Variants in PMM2 observed in about 807,000 individuals in gnomAD.
The protein encoded by PMM2 is mannose-6-phosphate isomerase.
In PMM2, 35 loss-of-function variants were observed where a neutral mutation model predicts 33.2. The observed-to-expected ratio is 1.06, with a 90% confidence interval of 0.81 to 1.40. The LOEUF is 1.40. PMM2 is among the 40% of genes most tolerant of loss of function. The pLI is 0.00. For synonymous variants in PMM2, 153 were observed against 114.7 expected (o/e 1.33, Z -2.13); for missense variants, 386 against 306.0 (o/e 1.26, Z -1.95).
At position 8,802,020 on chromosome 16, in the gene PMM2, T is replaced by C; in HGVS notation, c.178+110T>C. On this transcript the variant is annotated intron_variant, in intron 2 of 7. Coordinates refer to ENST00000268261, the MANE Select transcript of PMM2 (RefSeq NM_000303.3). ...AACCTTGTCCCCATATGGCGGGCTT[T>C]CTGCTTCCTTTTTTGGGAAACATTT... is the stretch of plus-strand genomic sequence containing the variant. 4.0e-6 allele frequency: 3 copies of C among 751,386 alleles called. No individual in the cohort carries two copies. The Admixed American group carries it at 6.1e-5, about 15-fold the overall frequency. 46.5% of individuals were successfully genotyped at this position (751,386 alleles called of 1,614,324 possible).
intron 7 of PMM2, among the ~76,000 whole-genome samples, chr16:8,840,471 G>GT (rs904114104): frequency 1.3e-5 from 2 of 152,018 alleles, no homozygotes; most frequent in Admixed American, 1.3e-4. Flanking sequence ...ACAGAAGATA[G>GT]TAGGGATGAC....
At chr16:8,812,914 A>G (rs1434236081) in intron 6 of PMM2, 77 bp from the exon 7 acceptor site, 6 of 855,048 alleles carry the variant, frequency 7.0e-6, no homozygotes, top group Non-Finnish European at 1.2e-5. Context: ...ACAAAAGAGT[A>G]AATTGTTTTT....
chr16:8,810,819 A>T, intron 4 of PMM2: 1 of 515,050 alleles, frequency 1.9e-6, no homozygotes, highest in South Asian at 2.1e-5. Context: ...ACACAAAGTC[A>T]ATATACAACA....
chr16:8,833,475 C>A (rs1199240562), intron 7 of PMM2, among the ~76,000 whole-genome samples: 1 of 152,004 alleles, frequency 6.6e-6, no homozygotes, highest in Admixed American at 6.5e-5. Context: ...GACATTCCTG[C>A]CTTCTTATAT....
intron 7 of PMM2, among the ~76,000 whole-genome samples, chr16:8,837,233 G>C (rs2060855486): frequency 6.6e-6 from 1 of 152,016 alleles, no homozygotes; most frequent in African/African-American, 2.4e-5. Flanking sequence ...TGGACATCAG[G>C]CACCTCAGAC....
chr16:8,836,881 C>T (rs1400203069), intron 7 of PMM2, among the ~76,000 whole-genome samples: 2 of 152,102 alleles, frequency 1.3e-5, no homozygotes, highest in African/African-American at 2.4e-5. Flanking sequence ...GGAGCATTAA[C>T]TTTGACTATG....
Position 8,810,979 on chromosome 16 carries a change from C to G in PMM2, c.348-100C>G, listed in dbSNP as rs545486702. ...GCTGAGAAACATTGACCACACTAGC[C>G]TCTGCTTTTTAGAATTTCCCAAGAT... On this transcript the variant is annotated intron_variant, in intron 4 of 7. Transcript: ENST00000268261. 9.4e-6 allele frequency: 7 copies of G among 747,852 alleles called. No homozygotes were observed. In the East Asian group the frequency reaches 1.9e-4, roughly 20 times the overall value. 46.3% of individuals were successfully genotyped at this position (747,852 alleles called of 1,614,324 possible).
chr16:8,815,222 T>C (rs546051345), intron 7 of PMM2, among the ~76,000 whole-genome samples: 5 of 151,120 alleles, frequency 3.3e-5, no homozygotes, highest in African/African-American at 4.8e-5. Flanking sequence ...TTCTTTCTTT[T>C]TTTTTTTTTT....
rs567875417 is a variant in PMM2 at position 8,847,009 on chromosome 16, G to A, written c.640-715G>A. Among the ~76,000 whole-genome samples the A allele has an allele frequency of 5.3e-5, 8 of 152,146 alleles. No individual in the cohort carries two copies. The East Asian group carries it at 9.7e-4, about 18-fold the overall frequency. On this transcript the variant is annotated intron_variant, in intron 7 of 7. Transcript: ENST00000268261. The stretch of plus-strand genomic sequence containing the variant: ...CTCCCGAGCAGCTGGGATTTCAGAC[G>A]TGCGCCACCATGCCCAGCTAATTTT...
intron 4 of PMM2, chr16:8,808,718 G>C (rs2060660236): frequency 6.6e-6 from 1 of 152,196 alleles, no homozygotes; most frequent in African/African-American, 2.4e-5. Flanking sequence ...CTTGAGTGGG[G>C]GGGCATTAAT....
At chr16:8,805,829 A>G (rs1245978858) in intron 3 of PMM2, among the ~76,000 whole-genome samples, 1 of 152,134 alleles carries the variant, frequency 6.6e-6, no homozygotes, top group African/African-American at 2.4e-5. Flanking sequence ...ACTTGAAGTC[A>G]TCCACCTGCC....
intron 2 of PMM2, 39 bp from the exon 3 acceptor site, chr16:8,804,728 T>A: frequency 7.1e-7 from 1 of 1,409,610 alleles, no homozygotes; most frequent in Admixed American, 1.7e-5. Flanking sequence ...CAGGTTTTGA[T>A]TCTTTGCATT....
At chr16:8,833,594 A>G (rs1013610782) in intron 7 of PMM2, among the ~76,000 whole-genome samples, 10 of 151,556 alleles carry the variant, frequency 6.6e-5, no homozygotes, top group Admixed American at 2.6e-4. Flanking sequence ...AAGCGGGATT[A>G]GGGGCGGCGT....
At chr16:8,839,661 G>A (rs1264800202) in intron 7 of PMM2, among the ~76,000 whole-genome samples, 1 of 151,962 alleles carries the variant, frequency 6.6e-6, no homozygotes, top group African/African-American at 2.4e-5. Context: ...AAGTTTGTCA[G>A]TATTGATAGC....
At chr16:8,800,730 C>G (rs541349261) in intron 1 of PMM2, among the ~76,000 whole-genome samples, 1 of 150,088 alleles carries the variant, frequency 6.7e-6, no homozygotes, top group Admixed American at 6.7e-5. Flanking sequence ...GTGACCCAGG[C>G]TGGAGTGCAG....
Position 8,811,760 on chromosome 16 carries a change from A to G in PMM2, c.523+47A>G, listed in dbSNP as rs1347333754. 3 of 1,328,784 alleles carry G rather than the reference A, an allele frequency of 2.3e-6. No individual in the cohort carries two copies. In the African/African-American group the frequency reaches 4.3e-5, roughly 19 times the overall value. 82.3% of individuals were successfully genotyped at this position (1,328,784 alleles called of 1,614,324 possible). The stretch of plus-strand genomic sequence containing the variant: ...TTCCAAACTTGGATACCCATTTCCC[A>G]GAGTTTGTTGTGGGCCAGTGAGCTA... On this transcript the variant is annotated intron_variant, in intron 6 of 7. Coordinates refer to ENST00000268261, the MANE Select transcript of PMM2 (RefSeq NM_000303.3).
At chr16:8,800,360 C>A (rs1411515774) in intron 1 of PMM2, among the ~76,000 whole-genome samples, 50 of 128,390 alleles carry the variant, frequency 3.9e-4, no homozygotes, top group African/African-American at 3.8e-4. Flanking sequence ...GACTTCGTGT[C>A]AAAAAAAAAA....
chr16:8,824,725 A>G (rs2060757016), intron 7 of PMM2, among the ~76,000 whole-genome samples: 1 of 152,090 alleles, frequency 6.6e-6, no homozygotes, highest in Non-Finnish European at 1.5e-5. Context: ...GAAACACTAG[A>G]TATCACAAAG....
At chr16:8,813,218 A>C (rs1467109258) in intron 7 of PMM2, 112 bp downstream of exon 7, 7 of 774,582 alleles carry the variant, frequency 9.0e-6, no homozygotes, top group Non-Finnish European at 1.6e-5. Flanking sequence ...GCCCTGCTCA[A>C]ACTGAGCAGT....
Sources: gnomAD v4.1 joint callset for allele counts (sites outside exome capture counted in the v4.1 genomes callset) on GRCh38, gnomAD v4.1.1 for gene constraint, MANE v1.5 for transcripts, NCBI Gene and HGNC (gene_info 2026-07-23, HGNC 2026-07-21) for gene names.